FAM3A: variants seen among roughly 807,000 people sequenced by gnomAD.
FAM3A encodes the protein protein FAM3A.
FAM3A carries 5 observed loss-of-function variants against 18.1 expected under a neutral mutation model. The ratio of observed to expected loss-of-function variants is 0.28; its 90% CI spans 0.14 to 0.58. The LOEUF (loss-of-function observed/expected upper bound fraction) is 0.58. Ranked by LOEUF, FAM3A falls within the 20% of genes least tolerant of loss-of-function variation. The pLI, the probability that FAM3A is intolerant of heterozygous loss-of-function variation, is 0.91. For missense variants in FAM3A, 154 were observed against 216.6 expected, an observed-to-expected ratio of 0.71 and a Z score of 1.81; for synonymous variants, 108 against 90.2, an observed-to-expected ratio of 1.20 and a Z score of -1.12.
Position 154,506,807 on chromosome X carries a change from C to T in FAM3A, c.*4G>A, listed in dbSNP as rs781807249. The T allele has an allele frequency of 2.5e-6, 3 of 1,207,427 alleles. No individual in the cohort carries two copies. Among genetic ancestry groups the T allele is most frequent in the Admixed American group, 2.2e-5 (1 of 46,103 alleles). ...CCCTCGGCCCGGTCCTGGCACTGGC[C>T]GTGCTAGCTGGCCGTGCTTCTCCGC... On this transcript the variant is annotated 3_prime_UTR_variant, in exon 9 of 9. Transcript: ENST00000447601.
Position 154,512,952 on chromosome X carries a change from A to T in FAM3A, c.14-16T>A, listed in dbSNP as rs1569555930. On this transcript the variant is annotated splice_polypyrimidine_tract_variant and intron_variant, in intron 1 of 8. Coordinates refer to ENST00000447601, the MANE Select transcript of FAM3A (RefSeq NM_021806.4). ...CGGAGAGGGCCTGGAGGCAGGATAG[A>T]CACAGGGTGGGGTCACCTCAGATAC... 2 of 1,134,175 alleles carry T rather than the reference A, an allele frequency of 1.8e-6. No individual in the cohort carries two copies. Among genetic ancestry groups the T allele is most frequent in the Non-Finnish European group, 2.4e-6 (2 of 825,510 alleles). The allele number at this position is 1,134,175 out of a possible 1,213,427, so 93.5% of individuals were successfully genotyped here.
At position 154,506,788 on chromosome X, in the gene FAM3A, G is replaced by T; in HGVS notation, c.*23C>A. The T allele has an allele frequency of 8.4e-7, 1 of 1,193,390 alleles. No homozygotes were observed. ...GCCTCCCTTGGTCTGGCCTCCCTCGGCCCGGTCCTGGCACTGGCCGTGCTA... is the reference window on the plus strand; with the variant it reads ...GCCTCCCTTGGTCTGGCCTCCCTCGTCCCGGTCCTGGCACTGGCCGTGCTA... On this transcript the variant is annotated 3_prime_UTR_variant, in exon 9 of 9. Transcript: ENST00000447601.
Position 154,506,801 on chromosome X carries a change from ACTGGCCGTGCTAG to A in FAM3A, c.690_*9del. On this transcript the variant is annotated stop_lost and 3_prime_UTR_variant, in exon 9 of 9. Coordinates refer to ENST00000447601, the MANE Select transcript of FAM3A (RefSeq NM_021806.4). ...TGGCCTCCCTCGGCCCGGTCCTGGCACTGGCCGTGCTAGCTGGCCGTGCTTCTCCGCGGGATAC... is the reference window on the plus strand; with the variant it reads ...TGGCCTCCCTCGGCCCGGTCCTGGCACTGGCCGTGCTTCTCCGCGGGATAC... The A allele has an allele frequency of 2.5e-6, 3 of 1,204,946 alleles. No individual in the cohort carries two copies. Among genetic ancestry groups the A allele is most frequent in the Non-Finnish European group, 3.4e-6 (3 of 889,594 alleles).
At chrX:154,513,048 G>A in intron 1 of FAM3A, 112 bp from the exon 2 acceptor site, 1 of 481,214 alleles carries the variant, frequency 2.1e-6, no homozygotes. Context: ...AGAAGTGGCT[G>A]GAGGACAAGG....
intron 6 of FAM3A, 87 bp downstream of exon 6, chrX:154,507,724 G>T: frequency 1.0e-6 from 1 of 978,164 alleles, no homozygotes; most frequent in Non-Finnish European, 1.4e-6. Flanking sequence ...GAAGCTCCAA[G>T]TACAGACAGA....
In FAM3A at chrX:154,508,559, G is replaced by A. The variant is rs1557220757; in HGVS notation, c.190C>T (p.Pro64Ser). The part of the protein sequence containing the change: ...ARKYKCGLPQ[P>S]CPEEHLAFRV... ...AAGGCCAGGTGCTCCTCAGGACACG[G>A]CTGGGGCAGGCCACACTTGTACTTC... The change falls in exon 4 of 9, where the codon CCG (proline) becomes TCG (serine). Residue 64 changes from proline to serine, a missense_variant. By Grantham distance (74) the Pro-to-Ser change is moderately conservative (BLOSUM62 -1). This residue lies in a region of FAM3A where 112 missense variants were observed against 160.0 expected (regional missense o/e 0.70). Coordinates refer to ENST00000447601, the MANE Select transcript of FAM3A (RefSeq NM_021806.4). 1 of 1,199,450 alleles carries A rather than the reference G, an allele frequency of 8.3e-7. No individual in the cohort carries two copies. Among genetic ancestry groups the A allele is most frequent in the Non-Finnish European group, 1.1e-6 (1 of 889,078 alleles).
At chrX:154,514,795 C>T (rs937639243) in intron 1 of FAM3A, among the ~76,000 whole-genome samples, 1 of 112,287 alleles carries the variant, frequency 8.9e-6, no homozygotes, top group African/African-American at 3.2e-5. Context: ...GTGATCCACC[C>T]GCCTTGGCCT....
At chrX:154,514,246 A>AT (rs782724002) in intron 1 of FAM3A, among the ~76,000 whole-genome samples, 3 of 110,409 alleles carry the variant, frequency 2.7e-5, no homozygotes, top group Non-Finnish European at 3.8e-5. Flanking sequence ...GTGTCTTTTT[A>AT]TTTTTTTTAT....
At chrX:154,508,229 G>A in intron 5 of FAM3A, 60 bp downstream of exon 5, 1 of 904,907 alleles carries the variant, frequency 1.1e-6, no homozygotes, top group Middle Eastern at 4.2e-4. Context: ...ACACCCAGAG[G>A]CCTCCTGGGG....
Position 154,508,314 on chromosome X carries a change from G to A in FAM3A, c.309C>T (p.Arg103=), listed in dbSNP as rs368083708. ...LMSSVKDNVG[R]GLNIALVNGV... Reference sequence around the variant, plus strand: ...CGTTCACCAGGGCGATGTTCAGCCCGCGGCCCACGTTGTCCTTGACGCTGC... The same window carrying A: ...CGTTCACCAGGGCGATGTTCAGCCCACGGCCCACGTTGTCCTTGACGCTGC... Residue 103 remains arginine (R), a synonymous_variant, in exon 5 of 9, where the codon CGC becomes CGT. Transcript: ENST00000447601. 1.2e-4 allele frequency: 122 copies of A among 1,042,278 alleles called. No homozygotes were observed. Among genetic ancestry groups the A allele is most frequent in the African/African-American group, 6.2e-5 (3 of 48,069 alleles). The allele number at this position is 1,042,278 out of a possible 1,213,427, so 85.9% of individuals were successfully genotyped here.
intron 2 of FAM3A, chrX:154,512,227 CAAT>C (rs782325424): frequency 0.03 from 4,512 of 148,477 alleles, 91 homozygotes; most frequent in Non-Finnish European, 0.037. Context: ...ACTAAAAATA[CAAT>C]AATAATAATA....
chrX:154,513,920 CA>C (rs2070033163), intron 1 of FAM3A, among the ~76,000 whole-genome samples: 1 of 110,802 alleles, frequency 9.0e-6, no homozygotes, highest in Non-Finnish European at 1.9e-5. Context: ...TACTCCCTCC[CA>C]CCCTACTCCA....
At chrX:154,507,152 G>A (rs782158990) in intron 8 of FAM3A, 51 bp downstream of exon 8, 5 of 1,163,655 alleles carry the variant, frequency 4.3e-6, no homozygotes, top group Non-Finnish European at 5.7e-6. Flanking sequence ...CATGCAGGCA[G>A]AAGGGGCGAC....
intron 3 of FAM3A, 199 bp from the exon 4 acceptor site, chrX:154,508,796 G>C: frequency 5.6e-6 from 3 of 534,876 alleles, no homozygotes; most frequent in Non-Finnish European, 1.0e-5. Flanking sequence ...ACCCAAGACA[G>C]AAGGATTTTC....
rs1256588385 is a variant in FAM3A, at chrX:154,506,347, G to C, written c.*464C>G. ...GGCTCATGAAGCAGCCACCGGGTTT[G>C]GCTCACTGGAAGGAATCACACTGGA... On this transcript the variant is annotated 3_prime_UTR_variant, in exon 9 of 9. Transcript: ENST00000447601. 8.4e-6 allele frequency: 1 copy of C among 119,143 alleles called. No individual in the cohort carries two copies. The highest frequency in any genetic ancestry group is 3.2e-5 in the African/African-American group (1 of 30,951). The allele number at this position is 119,143 out of a possible 1,213,427, so 9.8% of individuals were successfully genotyped here. A position where few individuals can be genotyped will look rare whatever the true frequency, so the allele number is the denominator to read the frequency against.
rs6643674 is a variant in FAM3A, at chrX:154,516,201, G to T, written c.-429C>A. 1.8e-4 allele frequency: 21 copies of T among 118,630 alleles called. No homozygotes were observed. In the South Asian group the frequency reaches 3.3e-3, roughly 18 times the overall value. 9.8% of individuals were successfully genotyped at this position (118,630 alleles called of 1,213,427 possible). A position where few individuals can be genotyped will look rare whatever the true frequency, so the allele number is the denominator to read the frequency against. On this transcript the variant is annotated 5_prime_UTR_variant, in exon 1 of 9. Transcript: ENST00000447601. Reference sequence around the variant, plus strand: ...CCGCCCCGGGAGAGGACGCAAGGCCGCTGCGCAGGGTGGCCAGGCAGGCCC... The same window carrying T: ...CCGCCCCGGGAGAGGACGCAAGGCCTCTGCGCAGGGTGGCCAGGCAGGCCC...
intron 8 of FAM3A, 111 bp downstream of exon 8, chrX:154,507,092 G>T: frequency 9.6e-7 from 1 of 1,039,987 alleles, no homozygotes; most frequent in Non-Finnish European, 1.3e-6. Flanking sequence ...CTCATAGCTG[G>T]ACTGGGGACG....
Position 154,512,927 on chromosome X carries a change from C to G in FAM3A, c.23G>C (p.Arg8Pro). The change falls in exon 2 of 9, where the codon CGC (arginine) becomes CCC (proline). Residue 8 changes from arginine (R) to proline (P), a missense_variant. By Grantham distance (103) the Arg-to-Pro change is moderately radical (BLOSUM62 -2). This residue lies in a region of FAM3A where 112 missense variants were observed against 160.0 expected (regional missense o/e 0.70). Transcript: ENST00000447601. MRLAGPL[R>P]IVVLVVSVGV... ...CACACTGACGACTAGGACCACAATG[C>G]GGAGAGGGCCTGGAGGCAGGATAGA... is the stretch of plus-strand genomic sequence containing the variant. 1 of 1,201,705 alleles carries G rather than the reference C, an allele frequency of 8.3e-7. No homozygotes were observed. Among genetic ancestry groups the G allele is most frequent in the Non-Finnish European group, 1.1e-6 (1 of 886,446 alleles).
rs1025408142 is a variant in FAM3A at position 154,507,751 on chromosome X, G to T, written c.385+60C>A. ...ACAGACAGAGAGAGCAGTGTCTCAG[G>T]GGAAGCTGCCCAGGTCATTTTGCTG... On this transcript the variant is annotated intron_variant, in intron 6 of 8. Transcript: ENST00000447601. 126 of 1,063,008 alleles carry T rather than the reference G, an allele frequency of 1.2e-4. No individual in the cohort carries two copies. The Middle Eastern group carries it at 1.5e-3, about 13-fold the overall frequency. The allele number at this position is 1,063,008 out of a possible 1,213,427, so 87.6% of individuals were successfully genotyped here. A position where few individuals can be genotyped will look rare whatever the true frequency, so the allele number is the denominator to read the frequency against.
Sources: allele counts gnomAD v4.1 joint callset (sites outside exome capture counted in the v4.1 genomes callset), GRCh38; gene constraint gnomAD v4.1.1; regional missense constraint gnomAD v4.1.1; transcripts MANE v1.5; gene names NCBI Gene and HGNC (gene_info 2026-07-23, HGNC 2026-07-21).